WWOX: variants seen among roughly 807,000 people sequenced by gnomAD.
The protein encoded by WWOX is WW domain-containing oxidoreductase.
Under a neutral mutation model 46.2 loss-of-function variants are expected in WWOX, and 69 were observed. The observed-to-expected ratio is 1.49, with a 90% confidence interval of 1.23 to 1.82. The LOEUF (loss-of-function observed/expected upper bound fraction) is 1.82, where lower values mean the gene tolerates loss of function less well. Ranked by LOEUF, WWOX falls within the 40% of genes most tolerant of loss-of-function variation. The pLI is 0.00. For synonymous variants in WWOX, 359 were observed against 202.6 expected (o/e 1.77, Z -6.56); for missense variants, 919 against 542.6 (o/e 1.69, Z -6.89).
chr16:79,104,245 G>T (rs565052368), intron 8 of WWOX, among the ~76,000 whole-genome samples: 1 of 152,076 alleles, frequency 6.6e-6, no homozygotes, highest in African/African-American at 2.4e-5. Context: ...AGGGTTGCCT[G>T]TGTCTTATTT....
chr16:78,110,739 G>A (rs758464287), intron 3 of WWOX, among the ~76,000 whole-genome samples: 9 of 152,268 alleles, frequency 5.9e-5, no homozygotes, highest in Middle Eastern at 3.4e-3. Flanking sequence ...GATCCCCACA[G>A]TGCCCTGAGA....
intron 8 of WWOX, among the ~76,000 whole-genome samples, chr16:78,623,492 C>A (rs978360505): frequency 2.0e-5 from 3 of 152,078 alleles, no homozygotes; most frequent in Admixed American, 2.0e-4. Flanking sequence ...CCAGCCTGGG[C>A]AACATGCTGA....
chr16:78,681,271 G>C, intron 8 of WWOX, among the ~76,000 whole-genome samples: 1 of 152,144 alleles, frequency 6.6e-6, no homozygotes, highest in Non-Finnish European at 1.5e-5. Flanking sequence ...TGGACGTGGT[G>C]GCATGTGCCT....
chr16:78,376,509 T>C (rs1045761475), intron 5 of WWOX, among the ~76,000 whole-genome samples: 1 of 152,210 alleles, frequency 6.6e-6, no homozygotes, highest in African/African-American at 2.4e-5. Context: ...GAACCAGTTT[T>C]ATTTTTGCAA....
intron 8 of WWOX, among the ~76,000 whole-genome samples, chr16:78,772,821 C>G (rs1258735005): frequency 6.6e-6 from 1 of 152,050 alleles, no homozygotes; most frequent in Non-Finnish European, 1.5e-5. Flanking sequence ...AAGTTTGAGA[C>G]CAGCCTGGAC....
At chr16:78,619,552 C>G (rs1180209914) in intron 8 of WWOX, among the ~76,000 whole-genome samples, 4 of 151,716 alleles carry the variant, frequency 2.6e-5, no homozygotes, top group Non-Finnish European at 1.5e-5. Context: ...CTTCTAATCT[C>G]AATTTTATTA....
intron 8 of WWOX, chr16:78,899,769 G>C (rs1274378784): frequency 3.9e-5 from 6 of 152,196 alleles, no homozygotes; most frequent in African/African-American, 1.4e-4. Context: ...TGTGTGCAAA[G>C]CAGCATTAAG....
intron 8 of WWOX, among the ~76,000 whole-genome samples, chr16:78,862,346 AAAT>A (rs2043907005): frequency 6.6e-6 from 1 of 151,208 alleles, no homozygotes; most frequent in Admixed American, 6.6e-5. Context: ...TATATGTACT[AAAT>A]AATATATATA....
intron 8 of WWOX, among the ~76,000 whole-genome samples, chr16:78,944,654 C>G (rs1356127801): frequency 1.3e-5 from 2 of 152,102 alleles, no homozygotes; most frequent in Admixed American, 6.6e-5. Flanking sequence ...CATCCAATTG[C>G]TTTTGCGGAG....
intron 8 of WWOX, among the ~76,000 whole-genome samples, chr16:79,107,286 C>G (rs901001624): frequency 6.6e-6 from 1 of 151,742 alleles, no homozygotes; most frequent in African/African-American, 2.4e-5. Context: ...CCTTGCTGTT[C>G]TGTTTTGCCC....
At chr16:78,669,079 C>T (rs188694844) in intron 8 of WWOX, among the ~76,000 whole-genome samples, 1 of 152,222 alleles carries the variant, frequency 6.6e-6, no homozygotes, top group Non-Finnish European at 1.5e-5. Flanking sequence ...GAAGCTACAA[C>T]TGGAGCTAAG....
intron 1 of WWOX, among the ~76,000 whole-genome samples, chr16:78,103,242 G>GT (rs74264852): frequency 0.012 from 1,761 of 142,550 alleles, 32 homozygotes; most frequent in African/African-American, 0.041. Flanking sequence ...TGGCTCCGCT[G>GT]TTTTTTTTTT....
At chr16:78,849,801 G>A (rs989338843) in intron 8 of WWOX, among the ~76,000 whole-genome samples, 2 of 151,950 alleles carry the variant, frequency 1.3e-5, no homozygotes, top group South Asian at 2.1e-4. Context: ...GGCTGGGCGT[G>A]GTGGCTCATG....
intron 8 of WWOX, among the ~76,000 whole-genome samples, chr16:78,830,729 C>G (rs556204209): frequency 6.6e-6 from 1 of 151,700 alleles, no homozygotes; most frequent in Non-Finnish European, 1.5e-5. Flanking sequence ...TTTGGCCAAG[C>G]AGGACGGCAT....
In WWOX at chr16:78,132,125, C is replaced by T. The variant is rs1053645881; in HGVS notation, c.409+16971C>T. Among the ~76,000 whole-genome samples, 8 of 149,586 alleles carry T rather than the reference C, an allele frequency of 5.3e-5. No individual in the cohort carries two copies. In the East Asian group the frequency reaches 6.0e-4, roughly 11 times the overall value. On this transcript the variant is annotated intron_variant, in intron 4 of 8. Coordinates refer to ENST00000566780, the MANE Select transcript of WWOX (RefSeq NM_016373.4). Reference sequence around the variant, plus strand: ...CTGCAAGCTCCACCTCCCGGGTTCACGCCATTCTCCTGCCTCAGCCTCCCG... The same window carrying T: ...CTGCAAGCTCCACCTCCCGGGTTCATGCCATTCTCCTGCCTCAGCCTCCCG...
At chr16:78,385,450 A>G (rs535288007) in intron 5 of WWOX, among the ~76,000 whole-genome samples, 2 of 152,332 alleles carry the variant, frequency 1.3e-5, no homozygotes, top group South Asian at 2.1e-4. Flanking sequence ...CTATGAGTAG[A>G]TGACTAATAT....
At chr16:78,406,362 A>G (rs534760851) in intron 6 of WWOX, among the ~76,000 whole-genome samples, 14 of 76,670 alleles carry the variant, frequency 1.8e-4, no homozygotes, top group African/African-American at 5.4e-4. Flanking sequence ...ATATTTTATT[A>G]TTTTTTTTTG....
At chr16:78,330,081 T>C (rs1410153371) in intron 5 of WWOX, among the ~76,000 whole-genome samples, 1 of 152,192 alleles carries the variant, frequency 6.6e-6, no homozygotes, top group African/African-American at 2.4e-5. Context: ...TAATAACCAT[T>C]GCTATAGATG....
Position 78,892,497 on chromosome 16 carries a change from C to T in WWOX, c.1057-319111C>T, listed in dbSNP as rs569843285. ...ACGGTGGTCATGGACAGGTCACCCC[C>T]GCTGTCCAGAACACATGTCAAGAAG... is the stretch of plus-strand genomic sequence containing the variant. On this transcript the variant is annotated intron_variant, in intron 8 of 8. Coordinates refer to ENST00000566780, the MANE Select transcript of WWOX (RefSeq NM_016373.4). Among the ~76,000 whole-genome samples the T allele has an allele frequency of 5.3e-5, 8 of 152,272 alleles. No homozygotes were observed. The South Asian group carries it at 1.7e-3, about 32-fold the overall frequency.
Sources: gnomAD v4.1 joint callset for allele counts (sites outside exome capture counted in the v4.1 genomes callset) on GRCh38, gnomAD v4.1.1 for gene constraint, MANE v1.5 for transcripts, NCBI Gene and HGNC (gene_info 2026-07-23, HGNC 2026-07-21) for gene names.